ZC3H4: variants seen among roughly 807,000 people sequenced by gnomAD.
ZC3H4 encodes zinc finger CCCH-type containing 4.
In ZC3H4, 13 loss-of-function variants were observed where a neutral mutation model predicts 108.3. That is an observed-to-expected ratio of 0.12 (90% CI 0.08 to 0.19). ZC3H4 has a LOEUF of 0.19. Ranked by LOEUF, ZC3H4 falls within the 10% of genes least tolerant of loss-of-function variation. ZC3H4 has a pLI of 1.00. For missense variants in ZC3H4, 1,734 were observed against 1,838.8 expected (o/e 0.94, Z 1.04); for synonymous variants, 917 against 749.6 (o/e 1.22, Z -3.65).
At chr19:47,098,548 G>A (rs1470157388) in intron 2 of ZC3H4, among the ~76,000 whole-genome samples, 9 of 151,262 alleles carry the variant, frequency 5.9e-5, no homozygotes, top group Admixed American at 4.0e-4. Context: ...CAGATCACCT[G>A]AGGTCAGGAG....
chr19:47,089,682 G>C (rs2057696463), intron 5 of ZC3H4, among the ~76,000 whole-genome samples: 1 of 143,902 alleles, frequency 6.9e-6, no homozygotes, highest in Non-Finnish European at 1.6e-5. Flanking sequence ...CATGGCCCAG[G>C]TGAAAGAGAA....
intron 4 of ZC3H4, among the ~76,000 whole-genome samples, chr19:47,091,430 C>T (rs1224013982): frequency 5.3e-5 from 8 of 149,806 alleles, no homozygotes; most frequent in African/African-American, 1.2e-4. Flanking sequence ...ATGAATTAGC[C>T]GGGCATGGTG....
Position 47,094,073 on chromosome 19 carries a change from G to C in ZC3H4, c.389C>G (p.Ala130Gly), listed in dbSNP as rs1357508313. 3.1e-6 allele frequency: 5 copies of C among 1,614,004 alleles called. No individual in the cohort carries two copies. In the African/African-American group the frequency reaches 6.7e-5, roughly 22 times the overall value. Residue 130 changes from alanine (A) to glycine (G), a missense_variant, in exon 4 of 15, where the codon GCT becomes GGT. Around this residue, in one of 9 missense-constraint regions of ZC3H4, gnomAD observed 403 missense variants for 457.0 expected, o/e 0.88. Transcript: ENST00000253048. Reference protein sequence around the residue: ...KRRKSKHKRHASSSDDFSDFS... With the variant: ...KRRKSKHKRHGSSSDDFSDFS... ...GTCAGAGAAGTCATCGCTAGAAGAA[G>C]CATGGCGCTGTAATGACAGGGGAAG...
chr19:47,084,018 TA>T lies in ZC3H4; in HGVS notation c.1218+326del, dbSNP rs1221500972. 2.0e-5 allele frequency among the ~76,000 whole-genome samples: 3 copies of T among 152,144 alleles called. No homozygotes were observed. In the East Asian group the frequency reaches 5.8e-4, roughly 29 times the overall value. Reference sequence around the variant, plus strand: ...TTCCCCATTCAACCCTGAAGCTCAATAACTTCACCAGGATATGCTGCTGCTT... The same window carrying T: ...TTCCCCATTCAACCCTGAAGCTCAATACTTCACCAGGATATGCTGCTGCTT... On this transcript the variant is annotated intron_variant, in intron 9 of 14. Coordinates refer to ENST00000253048, the MANE Select transcript of ZC3H4 (RefSeq NM_015168.2).
chr19:47,069,433 G>T, intron 13 of ZC3H4, 90 bp from the exon 14 acceptor site: 1 of 1,473,736 alleles, frequency 6.8e-7, no homozygotes, highest in Non-Finnish European at 9.1e-7. Context: ...AACCCACACC[G>T]ATGGCGATGG....
intron 13 of ZC3H4, 64 bp downstream of exon 13, chr19:47,071,714 C>G (rs1200944899): frequency 6.7e-7 from 1 of 1,501,518 alleles, no homozygotes; most frequent in African/African-American, 1.4e-5. Context: ...ATCACATCTC[C>G]CCAACTCTGC....
chr19:47,085,450 G>C, intron 6 of ZC3H4, 36 bp from the exon 7 acceptor site: 2 of 1,520,744 alleles, frequency 1.3e-6, no homozygotes, highest in Non-Finnish European at 1.8e-6. Flanking sequence ...GAGAGCGTCA[G>C]GTAGGGAACA....
intron 2 of ZC3H4, chr19:47,112,042 G>A: frequency 1.2e-6 from 1 of 847,456 alleles, no homozygotes; most frequent in Non-Finnish European, 1.4e-6. Flanking sequence ...CCAGCTCCGG[G>A]CGCAGGGGCA....
chr19:47,108,527 G>A (rs1316151795), intron 2 of ZC3H4, among the ~76,000 whole-genome samples: 1 of 152,182 alleles, frequency 6.6e-6, no homozygotes, highest in African/African-American at 2.4e-5. Context: ...AAGAAGCAGA[G>A]GTGTAGGCAC....
At position 47,069,309 on chromosome 19, in the gene ZC3H4, C is replaced by T; in HGVS notation, c.2181G>A (p.Glu727=). Residue 727 remains glutamate (E), a synonymous_variant, in exon 14 of 15, where the codon GAG becomes GAA. Transcript: ENST00000253048. ...GCTCAGGGAAGAGGTGCTCCCCAGG[C>T]TCCCCTGGCAGCTCTTCGTAGTGCC... ...DYGHYEELPG[E]PGEHLFPEHP... 6.2e-7 allele frequency: 1 copy of T among 1,613,664 alleles called. No individual in the cohort carries two copies. Among genetic ancestry groups the T allele is most frequent in the South Asian group, 1.1e-5 (1 of 91,028 alleles).
rs965373406 is a variant in ZC3H4 at position 47,112,594 on chromosome 19, G to C, written c.-5-5C>G. 8.3e-7 allele frequency: 1 copy of C among 1,201,666 alleles called. No individual in the cohort carries two copies. Among genetic ancestry groups the C allele is most frequent in the East Asian group, 3.2e-5 (1 of 31,610 alleles). 74.4% of individuals were successfully genotyped at this position (1,201,666 alleles called of 1,614,324 possible). A position where few individuals can be genotyped will look rare whatever the true frequency, so the allele number is the denominator to read the frequency against. On this transcript the variant is annotated splice_region_variant and splice_polypyrimidine_tract_variant and intron_variant, in intron 1 of 14. Transcript: ENST00000253048. ...CGGGCGCGGCCTCCATAGTTCCTTT[G>C]GGGGGGAGGGGATGTTAATGCACGA... is the stretch of plus-strand genomic sequence containing the variant.
At chr19:47,098,500 A>C (rs2057858134) in intron 2 of ZC3H4, among the ~76,000 whole-genome samples, 1 of 149,754 alleles carries the variant, frequency 6.7e-6, no homozygotes, top group Non-Finnish European at 1.5e-5. Flanking sequence ...AAAAAAAAAA[A>C]AAAAACTAAT....
chr19:47,067,311 G>A lies in ZC3H4; in HGVS notation c.2957C>T (p.Pro986Leu). The change falls in exon 15 of 15, where the codon CCC becomes CTC. Residue 986 changes from proline (P) to leucine (L), a missense_variant. By Grantham distance (98) the Pro-to-Leu change is moderately conservative (BLOSUM62 -3). Transcript: ENST00000253048. The surrounding 1 kb of genome is among the most constrained non-coding windows in gnomAD (Gnocchi z 6.4). Reference sequence around the variant, plus strand: ...TGCGTCCTGCTTGGGGATGGGTAGGGGGATCAGGTCCTCGGGATTCCAGAG... The same window carrying A: ...TGCGTCCTGCTTGGGGATGGGTAGGAGGATCAGGTCCTCGGGATTCCAGAG... ...TVLWNPEDLI[P>L]LPIPKQDAVP... 1 of 1,595,398 alleles carries A rather than the reference G, an allele frequency of 6.3e-7. No individual in the cohort carries two copies. The highest frequency in any genetic ancestry group is 8.5e-7 in the Non-Finnish European group (1 of 1,169,780).
chr19:47,086,566 C>G (rs769085155), intron 5 of ZC3H4, 28 bp from the exon 6 acceptor site: 6 of 1,550,916 alleles, frequency 3.9e-6, no homozygotes, highest in Non-Finnish European at 5.2e-6. Flanking sequence ...TAGTGAGCCT[C>G]CAGCAGGAGC....
chr19:47,102,723 T>C (rs1401383780), intron 2 of ZC3H4, among the ~76,000 whole-genome samples: 1 of 145,768 alleles, frequency 6.9e-6, no homozygotes, highest in Non-Finnish European at 1.5e-5. Context: ...ACCAAAGACA[T>C]CTGGATAGAG....
Position 47,094,408 on chromosome 19 carries a change from CTCT to C in ZC3H4, c.359_361del (p.Lys120del), listed in dbSNP as rs1296136099. On this transcript the variant is annotated inframe_deletion, in exon 3 of 15. Coordinates refer to ENST00000253048, the MANE Select transcript of ZC3H4 (RefSeq NM_015168.2). ...ACCTACTTTGTGCTTGGATTTCCTCCTCTTCTTCGACCTCCTTTTCTCTTTCTC... is the reference window on the plus strand; with the variant it reads ...ACCTACTTTGTGCTTGGATTTCCTCCTCTTCGACCTCCTTTTCTCTTTCTC... 1 of 1,614,146 alleles carries C rather than the reference CTCT, an allele frequency of 6.2e-7. No individual in the cohort carries two copies. Among genetic ancestry groups the C allele is most frequent in the African/African-American group, 1.3e-5 (1 of 75,046 alleles).
At chr19:47,083,808 T>C (rs1279538163) in intron 9 of ZC3H4, among the ~76,000 whole-genome samples, 1 of 152,258 alleles carries the variant, frequency 6.6e-6, no homozygotes, top group Non-Finnish European at 1.5e-5. Context: ...AGCACACATC[T>C]GCTGGTGTCT....
intron 13 of ZC3H4, among the ~76,000 whole-genome samples, chr19:47,069,573 T>C (rs1347548506): frequency 2.6e-5 from 4 of 152,106 alleles, no homozygotes; most frequent in South Asian, 4.1e-4. Flanking sequence ...CAAACGCTTA[T>C]GAGGTGGAAA....
At position 47,081,494 on chromosome 19, in the gene ZC3H4, C is replaced by A; in HGVS notation, c.1440+19G>T. 1 of 1,612,112 alleles carries A rather than the reference C, an allele frequency of 6.2e-7. No homozygotes were observed. Among genetic ancestry groups the A allele is most frequent in the Non-Finnish European group, 8.5e-7 (1 of 1,178,388 alleles). On this transcript the variant is annotated intron_variant, in intron 11 of 14. Transcript: ENST00000253048. ...TCCCAGTTCCTGTAGCCGGGGGCCC[C>A]GTTACCCCCGGACATTACCTTATCC...
Sources: allele counts gnomAD v4.1 joint callset (sites outside exome capture counted in the v4.1 genomes callset), GRCh38; gene constraint gnomAD v4.1.1; regional missense constraint gnomAD v4.1.1; non-coding constraint Gnocchi (gnomAD v3.1); transcripts MANE v1.5; gene names NCBI Gene and HGNC (gene_info 2026-07-23, HGNC 2026-07-21).